The following TBC1D22A variants were observed in gnomAD, a reference collection of about 807,000 sequenced individuals.
The protein encoded by TBC1D22A is TBC1 domain family member 22A.
TBC1D22A carries 38 observed loss-of-function variants against 60.2 expected under a neutral mutation model. The observed-to-expected ratio is 0.63, with a 90% CI of 0.49 to 0.83. TBC1D22A has a LOEUF of 0.83. Ranked by LOEUF, TBC1D22A falls within the 40% of genes least tolerant of loss-of-function variation. The pLI is 0.00. For missense variants in TBC1D22A, 628 were observed against 701.0 expected (o/e 0.90, Z 1.18); for synonymous variants, 302 against 281.7 (o/e 1.07, Z -0.72).
intron 11 of TBC1D22A, among the ~76,000 whole-genome samples, chr22:47,105,297 G>A (rs1329497198): frequency 2.0e-5 from 3 of 152,064 alleles, no homozygotes; most frequent in South Asian, 2.1e-4. Flanking sequence ...TGTGGTGTCC[G>A]AAAGACCCTC....
chr22:47,001,042 T>G lies in TBC1D22A; in HGVS notation c.1201+3333T>G, dbSNP rs2061389894. 3.9e-5 allele frequency among the ~76,000 whole-genome samples: 6 copies of G among 152,104 alleles called. 1 individual carries two copies. ...TGGTTTGGGCGCCTCATGTAGTGCC[T>G]GCATCCAACCCGATTAGTCAGGATA... is the stretch of plus-strand genomic sequence containing the variant. On this transcript the variant is annotated intron_variant, in intron 10 of 12. Coordinates refer to ENST00000337137, the MANE Select transcript of TBC1D22A (RefSeq NM_014346.5).
chr22:46,765,652 A>G (rs1048005090), intron 1 of TBC1D22A, among the ~76,000 whole-genome samples: 1 of 151,718 alleles, frequency 6.6e-6, no homozygotes, highest in African/African-American at 2.4e-5. Context: ...TTTTTAGTAG[A>G]GATGGGGTTT....
At chr22:46,943,795 A>T (rs2072332225) in intron 8 of TBC1D22A, among the ~76,000 whole-genome samples, 1 of 152,184 alleles carries the variant, frequency 6.6e-6, no homozygotes, top group African/African-American at 2.4e-5. Flanking sequence ...TTATATGTTC[A>T]CAGCATCCTA....
chr22:46,881,532 T>C (rs927628180), intron 5 of TBC1D22A, among the ~76,000 whole-genome samples: 4 of 152,214 alleles, frequency 2.6e-5, no homozygotes, highest in African/African-American at 9.6e-5. Flanking sequence ...AGACCACGCA[T>C]TCAGAGATTC....
intron 4 of TBC1D22A, among the ~76,000 whole-genome samples, chr22:46,826,449 T>G (rs533441613): frequency 6.6e-6 from 1 of 152,394 alleles, no homozygotes; most frequent in Non-Finnish European, 1.5e-5. Flanking sequence ...TGCCTATTTT[T>G]AAGACTTGAT....
chr22:47,100,293 G>A (rs1159085806), intron 11 of TBC1D22A, among the ~76,000 whole-genome samples: 1 of 152,002 alleles, frequency 6.6e-6, no homozygotes, highest in African/African-American at 2.4e-5. Flanking sequence ...GCTGTGGAGT[G>A]CAGGGGTGAG....
At chr22:47,039,723 A>G (rs1323875053) in intron 11 of TBC1D22A, among the ~76,000 whole-genome samples, 4 of 150,794 alleles carry the variant, frequency 2.7e-5, no homozygotes, top group East Asian at 1.9e-4. Flanking sequence ...AAAAAAAAAA[A>G]AAAAGAAATA....
At chr22:46,787,847 T>A (rs2146852976) in intron 1 of TBC1D22A, among the ~76,000 whole-genome samples, 1 of 151,600 alleles carries the variant, frequency 6.6e-6, no homozygotes, top group African/African-American at 2.4e-5. Context: ...AATCTCTGGG[T>A]GGTGTCTGTG....
intron 5 of TBC1D22A, among the ~76,000 whole-genome samples, chr22:46,883,787 T>C (rs131879): frequency 0.58 from 88,745 of 152,140 alleles, 28,874 homozygotes; most frequent in Middle Eastern, 0.83. Flanking sequence ...ACACCCATCA[T>C]TGGCCAGGCT....
At chr22:46,891,983 G>C (rs1349520526) in intron 6 of TBC1D22A, among the ~76,000 whole-genome samples, 2 of 152,226 alleles carry the variant, frequency 1.3e-5, no homozygotes, top group Non-Finnish European at 2.9e-5. Flanking sequence ...TAAATAGTCA[G>C]TTGACAGATG....
At chr22:47,065,789 C>A (rs559514342) in intron 11 of TBC1D22A, among the ~76,000 whole-genome samples, 1 of 152,140 alleles carries the variant, frequency 6.6e-6, no homozygotes, top group Non-Finnish European at 1.5e-5. Flanking sequence ...TGAGGAGATG[C>A]GGGTTCCTTG....
At chr22:46,898,299 C>G (rs74977779) in intron 7 of TBC1D22A, among the ~76,000 whole-genome samples, 1,864 of 152,218 alleles carry the variant, frequency 0.012, 27 homozygotes, top group Middle Eastern at 0.034. Flanking sequence ...GTTTGGAAAG[C>G]CTCCCCTGTC....
intron 12 of TBC1D22A, among the ~76,000 whole-genome samples, chr22:47,145,310 G>A (rs1038742885): frequency 4.6e-5 from 7 of 152,180 alleles, no homozygotes; most frequent in Admixed American, 2.0e-4. Context: ...TTCTCAGGTA[G>A]TGACCCGTCT....
At chr22:47,005,523 A>C (rs755354442) in intron 10 of TBC1D22A, among the ~76,000 whole-genome samples, 2 of 151,532 alleles carry the variant, frequency 1.3e-5, no homozygotes, top group Non-Finnish European at 2.9e-5. Flanking sequence ...CCTGTAACAC[A>C]CACCTTCCCA....
intron 4 of TBC1D22A, among the ~76,000 whole-genome samples, chr22:46,862,573 C>A (rs189685805): frequency 1.2e-4 from 18 of 152,356 alleles, no homozygotes; most frequent in Admixed American, 7.8e-4. Context: ...TGCTGTTCAG[C>A]CCCGGGAGCC....
At chr22:46,915,228 A>T in intron 8 of TBC1D22A, 1 of 357,218 alleles carries the variant, frequency 2.8e-6, no homozygotes, top group Non-Finnish European at 5.5e-6. Flanking sequence ...GTTTCTGGGG[A>T]AGCTCATAGA....
intron 8 of TBC1D22A, among the ~76,000 whole-genome samples, chr22:46,930,381 T>C (rs911551850): frequency 1.3e-5 from 2 of 152,220 alleles, no homozygotes; most frequent in African/African-American, 2.4e-5. Flanking sequence ...ATTACCCTCA[T>C]AGTCCCTGAA....
At chr22:46,796,563 T>C (rs1175951084) in intron 3 of TBC1D22A, among the ~76,000 whole-genome samples, 1 of 152,150 alleles carries the variant, frequency 6.6e-6, no homozygotes, top group Non-Finnish European at 1.5e-5. Context: ...TTTCCCAGCC[T>C]CTTGCTTGTT....
chr22:47,018,263 T>C (rs1450271413), intron 10 of TBC1D22A, among the ~76,000 whole-genome samples: 1 of 152,262 alleles, frequency 6.6e-6, no homozygotes, highest in East Asian at 1.9e-4. Flanking sequence ...CAGCGGAGTT[T>C]CTGCGTGTTC....
Sources: allele counts gnomAD v4.1 joint callset (sites outside exome capture counted in the v4.1 genomes callset), GRCh38; gene constraint gnomAD v4.1.1; transcripts MANE v1.5; gene names NCBI Gene and HGNC (gene_info 2026-07-23, HGNC 2026-07-21).